The following LRP8 variants were observed in gnomAD, a reference collection of about 807,000 sequenced individuals.
LRP8 encodes low-density lipoprotein receptor-related protein 8.
LRP8 carries 46 observed loss-of-function variants against 111.6 expected under a neutral mutation model. The observed-to-expected ratio is 0.41, with a 90% CI of 0.33 to 0.53. The LOEUF (loss-of-function observed/expected upper bound fraction) is 0.53. LRP8 is among the 20% of genes least tolerant of loss of function. LRP8 has a pLI of 0.20. For missense variants in LRP8, 959 were observed against 1,297.4 expected, an observed-to-expected ratio of 0.74 and a Z score of 4.01; for synonymous variants, 464 against 511.2, an observed-to-expected ratio of 0.91 and a Z score of 1.24.
chr1:53,261,950 G>T, intron 12 of LRP8, 118 bp downstream of exon 12: 2 of 1,242,366 alleles, frequency 1.6e-6, no homozygotes, highest in Non-Finnish European at 2.3e-6. Context: ...AAACAAATCA[G>T]TTGGTTTCCC....
intron 16 of LRP8, 108 bp downstream of exon 16, chr1:53,255,009 G>A: frequency 8.5e-7 from 1 of 1,175,060 alleles, no homozygotes; most frequent in East Asian, 2.4e-5. Context: ...AGGCTGCAAG[G>A]GCAGAACAAG....
chr1:53,277,213 C>T (rs1646953875), intron 4 of LRP8, 135 bp from the exon 5 acceptor site: 1 of 1,272,468 alleles, frequency 7.9e-7, no homozygotes, highest in Non-Finnish European at 1.0e-6. Context: ...GAATGGTGGA[C>T]GTGCAGTTAG....
intron 3 of LRP8, chr1:53,289,363 C>T (rs1417264119): frequency 1.4e-5 from 8 of 576,274 alleles, no homozygotes; most frequent in Non-Finnish European, 1.9e-5. Context: ...GAAACAGGGT[C>T]CAACCTACAA....
chr1:53,255,883 A>G (rs552114602), intron 15 of LRP8, among the ~76,000 whole-genome samples: 2 of 152,372 alleles, frequency 1.3e-5, no homozygotes, highest in South Asian at 4.1e-4. Flanking sequence ...TAATTTATCT[A>G]AAATGAATAT....
intron 2 of LRP8, among the ~76,000 whole-genome samples, chr1:53,295,967 C>T (rs1288634883): frequency 1.3e-5 from 2 of 152,146 alleles, no homozygotes; most frequent in Non-Finnish European, 2.9e-5. Flanking sequence ...TGTACTTAGC[C>T]GTCTGTCTCT....
At chr1:53,323,268 T>C (rs1356568130) in intron 2 of LRP8, among the ~76,000 whole-genome samples, 1 of 152,178 alleles carries the variant, frequency 6.6e-6, no homozygotes, top group Admixed American at 6.5e-5. Flanking sequence ...CTCGATGAGA[T>C]AGGACTATTT....
In LRP8 at chr1:53,303,065, G is replaced by T. The variant is rs973233975; in HGVS notation, c.245-13376C>A. ...CAGAGGGTGGGAATTAAGAGAGGTT[G>T]TAATGTTGAAATTCATGGTGAAATT... On this transcript the variant is annotated intron_variant, in intron 2 of 18. Coordinates refer to ENST00000306052, the MANE Select transcript of LRP8 (RefSeq NM_004631.5). This position sits in a 1 kb window ranked among gnomAD's most constrained non-coding sequence, Gnocchi z 4.3. Among the ~76,000 whole-genome samples, 2 of 152,162 alleles carry T rather than the reference G, an allele frequency of 1.3e-5. No homozygotes were observed. The highest frequency in any genetic ancestry group is 2.9e-5 in the Non-Finnish European group (2 of 68,040).
At chr1:53,300,847 C>T (rs1408828619) in intron 2 of LRP8, among the ~76,000 whole-genome samples, 1 of 152,206 alleles carries the variant, frequency 6.6e-6, no homozygotes. Context: ...CCTGGCTACC[C>T]CTCCAGGCTG....
intron 15 of LRP8, among the ~76,000 whole-genome samples, chr1:53,256,344 G>A (rs1481456011): frequency 2.0e-5 from 3 of 152,218 alleles, no homozygotes; most frequent in African/African-American, 7.2e-5. Flanking sequence ...CCTGCTCTGG[G>A]CCACAGCGAA....
chr1:53,312,853 TCTGAGC>T (rs1313077521), intron 2 of LRP8, among the ~76,000 whole-genome samples: 1 of 152,106 alleles, frequency 6.6e-6, no homozygotes, highest in Non-Finnish European at 1.5e-5. Context: ...CTGGGATAGT[TCTGAGC>T]AGCCGAGGAG....
chr1:53,289,359 G>A, intron 3 of LRP8: 1 of 543,264 alleles, frequency 1.8e-6, no homozygotes, highest in Non-Finnish European at 2.9e-6. Flanking sequence ...CACAGAAACA[G>A]GGTCCAACCT....
intron 3 of LRP8, among the ~76,000 whole-genome samples, chr1:53,284,687 T>C (rs2100444638): frequency 6.6e-6 from 1 of 152,372 alleles, no homozygotes; most frequent in East Asian, 1.9e-4. Flanking sequence ...ATCTGTCTGC[T>C]TCCTTTCTTT....
At chr1:53,318,173 C>T (rs17108321) in intron 2 of LRP8, among the ~76,000 whole-genome samples, 2,776 of 152,078 alleles carry the variant, frequency 0.018, 40 homozygotes, top group Non-Finnish European at 0.023. Context: ...AGAATTAGAA[C>T]GCTGCGGAGG....
Position 53,293,477 on chromosome 1 carries a change from A to G in LRP8, c.245-3788T>C, listed in dbSNP as rs756010962. ...CTTGGTAGCTGTTGTTATTAATCCCATTGTACAGAAGAGGAAATTAAGGCT... is the reference window on the plus strand; with the variant it reads ...CTTGGTAGCTGTTGTTATTAATCCCGTTGTACAGAAGAGGAAATTAAGGCT... On this transcript the variant is annotated intron_variant, in intron 2 of 18. Coordinates refer to ENST00000306052, the MANE Select transcript of LRP8 (RefSeq NM_004631.5). This position sits in a 1 kb window ranked among gnomAD's most constrained non-coding sequence, Gnocchi z 4.9. Among the ~76,000 whole-genome samples, 8 of 152,180 alleles carry G rather than the reference A, an allele frequency of 5.3e-5. No homozygotes were observed. Among genetic ancestry groups the G allele is most frequent in the Non-Finnish European group, 1.2e-4 (8 of 68,028 alleles).
chr1:53,257,612 G>A, intron 14 of LRP8, 148 bp from the exon 15 acceptor site: 2 of 633,726 alleles, frequency 3.2e-6, no homozygotes, highest in Non-Finnish European at 5.6e-6. Flanking sequence ...AGTGGGCTAT[G>A]ATCTTTTCTT....
In LRP8 at chr1:53,258,358, T is replaced by C; in HGVS notation, c.2170A>G (p.Thr724Ala). 8.1e-6 allele frequency: 13 copies of C among 1,614,146 alleles called. No homozygotes were observed. Among genetic ancestry groups the C allele is most frequent in the Non-Finnish European group, 1.1e-5 (13 of 1,180,002 alleles). The change falls in exon 14 of 19, where the codon ACA becomes GCA. Residue 724 changes from threonine (T) to alanine (A), a missense_variant. Thr to Ala is a moderately conservative substitution (Grantham distance 58). Around this residue, in one of 3 missense-constraint regions of LRP8, gnomAD observed 819 missense variants for 1,097.6 expected, o/e 0.75. Transcript: ENST00000306052. Reference protein sequence around the residue: ...SPKYTCACPDTMWLGPDMKRC... With the variant: ...SPKYTCACPDAMWLGPDMKRC... The stretch of plus-strand genomic sequence containing the variant: ...TTCATGTCTGGACCCAGCCACATTG[T>C]GTCAGGACAGGCACATGTGTACTTG...
chr1:53,310,758 G>C (rs1001337142), intron 2 of LRP8, among the ~76,000 whole-genome samples: 2 of 152,156 alleles, frequency 1.3e-5, no homozygotes, highest in African/African-American at 4.8e-5. Flanking sequence ...AAGGAGTGAG[G>C]CCTCCATCCC....
rs1645679792 is a variant in LRP8, at chr1:53,243,633, G to C, written c.*3385C>G. The C allele has an allele frequency of 6.6e-6, 1 of 152,140 alleles. No homozygotes were observed. Among genetic ancestry groups the C allele is most frequent in the Admixed American group, 6.5e-5 (1 of 15,274 alleles). 9.4% of individuals were successfully genotyped at this position (152,140 alleles called of 1,614,324 possible). A position where few individuals can be genotyped will look rare whatever the true frequency, so the allele number is the denominator to read the frequency against. ...TACAGCCTCATTTCTTGCCCCCCTT[G>C]AGCCTTTTGTTCCTGTTAGAATGAA... is the stretch of plus-strand genomic sequence containing the variant. On this transcript the variant is annotated 3_prime_UTR_variant, in exon 19 of 19. Transcript: ENST00000306052.
Position 53,293,595 on chromosome 1 carries a change from C to T in LRP8, c.245-3906G>A, listed in dbSNP as rs1247911745. On this transcript the variant is annotated intron_variant, in intron 2 of 18. Transcript: ENST00000306052. This position sits in a 1 kb window ranked among gnomAD's most constrained non-coding sequence, Gnocchi z 4.9. ...CTCTTTCCACTCAGACCCTCAGCCACCTCAGTGTTACCAGGCTAAGAATGA... is the reference window on the plus strand; with the variant it reads ...CTCTTTCCACTCAGACCCTCAGCCATCTCAGTGTTACCAGGCTAAGAATGA... 6.6e-6 allele frequency among the ~76,000 whole-genome samples: 1 copy of T among 152,206 alleles called. No homozygotes were observed. Among genetic ancestry groups the T allele is most frequent in the East Asian group, 1.9e-4 (1 of 5,196 alleles).
Sources: gnomAD v4.1 joint callset for allele counts (sites outside exome capture counted in the v4.1 genomes callset) on GRCh38, gnomAD v4.1.1 for gene constraint, gnomAD v4.1.1 regional missense constraint, Gnocchi (gnomAD v3.1) non-coding constraint, MANE v1.5 for transcripts, NCBI Gene and HGNC (gene_info 2026-07-23, HGNC 2026-07-21) for gene names.